The following LRP5 variants were observed in gnomAD, a reference collection of about 807,000 sequenced individuals.
LRP5 encodes low-density lipoprotein receptor-related protein 5.
In LRP5, 62 loss-of-function variants were observed where a neutral mutation model predicts 154.1. The observed-to-expected ratio is 0.40, with a 90% CI of 0.33 to 0.50. LRP5 has a LOEUF of 0.50. LRP5 is among the 20% of genes least tolerant of loss of function. The pLI is 0.55. For synonymous variants in LRP5, 966 were observed against 1,011.5 expected (o/e 0.96, Z 0.85); for missense variants, 1,915 against 2,336.7 (o/e 0.82, Z 3.72).
chr11:68,358,495 G>C (rs189308577), intron 3 of LRP5, among the ~76,000 whole-genome samples: 2 of 152,280 alleles, frequency 1.3e-5, no homozygotes, highest in East Asian at 3.9e-4. Flanking sequence ...GAATTGTTGG[G>C]GAGGGCTTAT....
rs78844574 is a variant in LRP5 at position 68,348,214 on chromosome 11, G to A, written c.459G>A (p.Pro153=). The A allele has an allele frequency of 1.0e-3, 1,632 of 1,609,144 alleles. 12 individuals carry two copies. The African/African-American group carries it at 0.017, about 17-fold the overall frequency. The change falls in exon 2 of 23, where the codon CCG becomes CCA. Residue 153 remains proline, a synonymous_variant. Coordinates refer to ENST00000294304, the MANE Select transcript of LRP5 (RefSeq NM_002335.4). ...KVLFWQDLDQ[P]RAIALDPAHG... is the part of the protein sequence containing the mutation. ...TCTTCTGGCAGGACCTTGACCAGCC[G>A]AGGGCCATCGCCTTGGACCCCGCTC...
chr11:68,386,500 G>C lies in LRP5; in HGVS notation c.1200G>C (p.Ala400=). Residue 400 remains alanine (A), a synonymous_variant, in exon 6 of 23, where the codon GCG becomes GCC. Coordinates refer to ENST00000294304, the MANE Select transcript of LRP5 (RefSeq NM_002335.4). This position sits in a 1 kb window ranked among gnomAD's most constrained non-coding sequence, Gnocchi z 7.9. ...TDDEVRAIRR[A]YLDGSGAQTL... ...ACGAGGTGCGGGCCATCCGCAGGGC[G>C]TACCTGGACGGGTCTGGGGCGCAGA... The C allele has an allele frequency of 6.2e-7, 1 of 1,614,066 alleles. No individual in the cohort carries two copies. The highest frequency in any genetic ancestry group is 8.5e-7 in the Non-Finnish European group (1 of 1,180,006).
At chr11:68,387,726 CTGA>C (rs2098643826) in intron 6 of LRP5, among the ~76,000 whole-genome samples, 2 of 152,198 alleles carry the variant, frequency 1.3e-5, no homozygotes, top group Admixed American at 6.5e-5. Context: ...TGGGAAAACC[CTGA>C]TGGAGGAGGC....
rs556372568 is a variant in LRP5 at position 68,350,234 on chromosome 11, G to A, written c.488+1991G>A. Among the ~76,000 whole-genome samples, 4 of 152,292 alleles carry A rather than the reference G, an allele frequency of 2.6e-5. No individual in the cohort carries two copies. In the East Asian group the frequency reaches 7.7e-4, roughly 29 times the overall value. ...GTATTTTTAGTAGACACAGGGTTTC[G>A]CCATGTTGGCCAGGCTGGTCTCAAA... On this transcript the variant is annotated intron_variant, in intron 2 of 22. Coordinates refer to ENST00000294304, the MANE Select transcript of LRP5 (RefSeq NM_002335.4).
intron 5 of LRP5, among the ~76,000 whole-genome samples, chr11:68,374,951 A>T (rs1302106564): frequency 6.6e-6 from 1 of 152,152 alleles, no homozygotes; most frequent in East Asian, 1.9e-4. Context: ...GACTGTGGTC[A>T]CTGGTTTTGT....
At chr11:68,382,108 C>A (rs543958685) in intron 5 of LRP5, among the ~76,000 whole-genome samples, 1 of 152,258 alleles carries the variant, frequency 6.6e-6, no homozygotes, top group Non-Finnish European at 1.5e-5. Context: ...ACCTCAGAGG[C>A]CTTGCAGCCT....
intron 13 of LRP5, among the ~76,000 whole-genome samples, chr11:68,419,421 T>G (rs968884875): frequency 1.3e-5 from 2 of 151,786 alleles, no homozygotes; most frequent in African/African-American, 4.8e-5. Flanking sequence ...TTTTTTTTAT[T>G]GTAGAGACCC....
At chr11:68,415,195 C>T (rs2098661841) in intron 12 of LRP5, among the ~76,000 whole-genome samples, 1 of 152,182 alleles carries the variant, frequency 6.6e-6, no homozygotes, top group Non-Finnish European at 1.5e-5. Context: ...TTCTTCGGAT[C>T]CTGGTACCAG....
rs1363693676 is a variant in LRP5 at position 68,447,037 on chromosome 11, C to CG, written c.4586+507dup. 101 of 183,816 alleles carry CG rather than the reference C, an allele frequency of 5.5e-4. 1 individual carries two copies. The highest frequency in any genetic ancestry group is 9.9e-4 in the Non-Finnish European group (85 of 86,072). The allele number at this position is 183,816 out of a possible 1,614,324, so 11.4% of individuals were successfully genotyped here. ...CTTGCCACAGTGGCCTGTTTGAGCC[C>CG]GGGAAGCCAACGGGGCTGCTCAGCT... is the stretch of plus-strand genomic sequence containing the variant. On this transcript the variant is annotated intron_variant, in intron 22 of 22. Coordinates refer to ENST00000294304, the MANE Select transcript of LRP5 (RefSeq NM_002335.4). This position sits in a 1 kb window ranked among gnomAD's most constrained non-coding sequence, Gnocchi z 4.3.
Position 68,348,946 on chromosome 11 carries a change from C to CA in LRP5, c.488+715dup, listed in dbSNP as rs1229661715. ...GCGACAAAGTGAGGAGATCCTGTCT[C>CA]AAAAAAAAAAAAGAGCTCAGCTTTC... On this transcript the variant is annotated intron_variant, in intron 2 of 22. Transcript: ENST00000294304. Among the ~76,000 whole-genome samples, 94 of 115,436 alleles carry CA rather than the reference C, an allele frequency of 8.1e-4. No individual in the cohort carries two copies. The South Asian group carries it at 9.0e-3, about 11-fold the overall frequency. The allele number at this position is 115,436 out of a possible 152,430, so 75.7% of individuals were successfully genotyped here. A position where few individuals can be genotyped will look rare whatever the true frequency, so the allele number is the denominator to read the frequency against.
intron 5 of LRP5, among the ~76,000 whole-genome samples, chr11:68,373,017 G>T (rs1591243269): frequency 1.3e-5 from 2 of 152,034 alleles, no homozygotes; most frequent in East Asian, 1.9e-4. Context: ...AACGGGGCAG[G>T]TGGGGGCCAA....
At chr11:68,303,117 TA>T in the LRP5 span, among the ~76,000 whole-genome samples, 2 of 152,134 alleles carry the variant, frequency 1.3e-5, no homozygotes, top group Non-Finnish European at 2.9e-5. Flanking sequence ...TAAATAAACT[TA>T]AGTTATTTAT....
At chr11:68,443,760 G>A (rs1207728442) in intron 21 of LRP5, among the ~76,000 whole-genome samples, 1 of 150,296 alleles carries the variant, frequency 6.7e-6, no homozygotes, top group Non-Finnish European at 1.5e-5. Context: ...CCGGGTTGGA[G>A]TGATTCTCCT....
intron 13 of LRP5, among the ~76,000 whole-genome samples, chr11:68,418,087 A>G (rs544663996): frequency 6.6e-6 from 1 of 152,322 alleles, no homozygotes; most frequent in South Asian, 2.1e-4. Flanking sequence ...TCATTAGTGT[A>G]GAATTCCAGG....
chr11:68,346,969 C>T (rs555492607), intron 1 of LRP5, among the ~76,000 whole-genome samples: 3 of 152,302 alleles, frequency 2.0e-5, no homozygotes, highest in South Asian at 2.1e-4. Context: ...GGAATGAGAC[C>T]GTTGTCTGTG....
chr11:68,411,321 C>T, intron 10 of LRP5, 115 bp from the exon 11 acceptor site: 4 of 1,169,224 alleles, frequency 3.4e-6, no homozygotes, highest in Non-Finnish European at 4.9e-6. Context: ...GTGGCTTTCT[C>T]CAGGACGGGG....
At position 68,404,742 on chromosome 11, in the gene LRP5, G is replaced by A. The variant is rs545999533; in HGVS notation, c.1801+1043G>A. Reference sequence around the variant, plus strand: ...TCCCACCACTTTGGGAGGCCGAGGCGGGTGGATCATGAGGTCAGGAGATCG... The same window carrying A: ...TCCCACCACTTTGGGAGGCCGAGGCAGGTGGATCATGAGGTCAGGAGATCG... On this transcript the variant is annotated intron_variant, in intron 8 of 22. Coordinates refer to ENST00000294304, the MANE Select transcript of LRP5 (RefSeq NM_002335.4). Among the ~76,000 whole-genome samples the A allele has an allele frequency of 1.4e-3, 208 of 152,148 alleles. 2 individuals are homozygous for A. Among genetic ancestry groups the A allele is most frequent in the Admixed American group, 5.0e-3 (77 of 15,276 alleles).
intron 3 of LRP5, among the ~76,000 whole-genome samples, chr11:68,361,375 G>T (rs1454152977): frequency 6.6e-6 from 1 of 151,456 alleles, no homozygotes; most frequent in Admixed American, 6.6e-5. Flanking sequence ...GGTGGCTCAC[G>T]CCTGTAATCC....
At chr11:68,361,011 A>T (rs1436416193) in intron 3 of LRP5, among the ~76,000 whole-genome samples, 1 of 131,440 alleles carries the variant, frequency 7.6e-6, no homozygotes, top group Non-Finnish European at 1.6e-5. Flanking sequence ...AAAAAAAAAA[A>T]AAAAAAAAAA....
Sources: allele counts gnomAD v4.1 joint callset (sites outside exome capture counted in the v4.1 genomes callset), GRCh38; gene constraint gnomAD v4.1.1; non-coding constraint Gnocchi (gnomAD v3.1); transcripts MANE v1.5; gene names NCBI Gene and HGNC (gene_info 2026-07-23, HGNC 2026-07-21).